The following MSH3 variants were observed in gnomAD, a reference collection of about 807,000 sequenced individuals.
MSH3 encodes mutS homolog 3.
In MSH3, 106 loss-of-function variants were observed where a neutral mutation model predicts 123.3. The ratio of observed to expected loss-of-function variants is 0.86; its 90% CI spans 0.73 to 1.01. The LOEUF is 1.01. Among genes scored for constraint, MSH3 ranks in the 50% least tolerant of loss-of-function variants. MSH3 has a pLI of 0.00. For missense variants in MSH3, 1,459 were observed against 1,347.6 expected, an observed-to-expected ratio of 1.08 and a Z score of -1.29; for synonymous variants, 515 against 481.4, an observed-to-expected ratio of 1.07 and a Z score of -0.91.
intron 19 of MSH3, among the ~76,000 whole-genome samples, chr5:80,795,690 A>G (rs1446785607): frequency 6.6e-6 from 1 of 152,184 alleles, no homozygotes; most frequent in Non-Finnish European, 1.5e-5. Context: ...ATTCTTTTTT[A>G]GGAAATTTTT....
intron 20 of MSH3, among the ~76,000 whole-genome samples, chr5:80,814,951 G>A (rs1376283896): frequency 1.3e-5 from 2 of 152,146 alleles, no homozygotes; most frequent in Non-Finnish European, 2.9e-5. Flanking sequence ...TTAAAGCATC[G>A]TGTATATTTC....
intron 12 of MSH3, among the ~76,000 whole-genome samples, chr5:80,747,085 T>C (rs1580014616): frequency 6.6e-6 from 1 of 152,316 alleles, no homozygotes; most frequent in South Asian, 2.1e-4. Flanking sequence ...AAGCAGACCT[T>C]GTAGAGCAGA....
intron 19 of MSH3, among the ~76,000 whole-genome samples, chr5:80,795,489 C>T (rs1361379098): frequency 6.6e-6 from 1 of 152,102 alleles, no homozygotes. Flanking sequence ...GGTAAAGGGT[C>T]TCTTACTCAT....
At chr5:80,688,912 A>G (rs1054185679) in intron 8 of MSH3, among the ~76,000 whole-genome samples, 2 of 152,184 alleles carry the variant, frequency 1.3e-5, no homozygotes, top group African/African-American at 4.8e-5. Flanking sequence ...AATAAGCTCA[A>G]TTCTGTGGGT....
chr5:80,770,921 AAGTAC>A (rs1744203793), intron 15 of MSH3, among the ~76,000 whole-genome samples: 1 of 152,210 alleles, frequency 6.6e-6, no homozygotes. Flanking sequence ...GAGGTTTAAA[AAGTAC>A]AGCATGGAGA....
chr5:80,655,126 A>C lies in MSH3; in HGVS notation c.237+162A>C, dbSNP rs1749234387. 4 of 514,614 alleles carry C rather than the reference A, an allele frequency of 7.8e-6. 1 individual carries two copies. Among genetic ancestry groups the C allele is most frequent in the Non-Finnish European group, 6.7e-6 (2 of 297,100 alleles). The allele number at this position is 514,614 out of a possible 1,614,324, so 31.9% of individuals were successfully genotyped here. A position where few individuals can be genotyped will look rare whatever the true frequency, so the allele number is the denominator to read the frequency against. On this transcript the variant is annotated intron_variant, in intron 1 of 23. Coordinates refer to ENST00000265081, the MANE Select transcript of MSH3 (RefSeq NM_002439.5). ...GGGAAGAGCCCAGCCGGGGCTACAAATTGGGTGAAGCGCTGAGGTTTTAGT... is the reference window on the plus strand; with the variant it reads ...GGGAAGAGCCCAGCCGGGGCTACAACTTGGGTGAAGCGCTGAGGTTTTAGT...
intron 20 of MSH3, among the ~76,000 whole-genome samples, chr5:80,820,984 A>T (rs960081084): frequency 6.6e-6 from 1 of 152,204 alleles, no homozygotes; most frequent in African/African-American, 2.4e-5. Flanking sequence ...GTATCAGACC[A>T]TGCCGGCAAT....
At chr5:80,714,076 T>C (rs768496947) in intron 8 of MSH3, among the ~76,000 whole-genome samples, 2 of 151,824 alleles carry the variant, frequency 1.3e-5, no homozygotes, top group Admixed American at 6.6e-5. Context: ...TCCTAAAATC[T>C]ATGTGACAGA....
intron 22 of MSH3, among the ~76,000 whole-genome samples, chr5:80,872,132 A>G (rs1328304832): frequency 6.6e-6 from 1 of 152,188 alleles, no homozygotes; most frequent in African/African-American, 2.4e-5. Context: ...TAATCCTGTT[A>G]TTTAAACTGG....
chr5:80,722,040 A>T (rs1180867718), intron 8 of MSH3, among the ~76,000 whole-genome samples: 6 of 152,232 alleles, frequency 3.9e-5, no homozygotes, highest in African/African-American at 1.2e-4. Context: ...TGTGAAGAAA[A>T]AAAATATATA....
chr5:80,811,317 CT>C (rs1745003741), intron 19 of MSH3, among the ~76,000 whole-genome samples: 1 of 152,074 alleles, frequency 6.6e-6, no homozygotes, highest in Non-Finnish European at 1.5e-5. Flanking sequence ...TTATCAAATA[CT>C]TTCTCTGTGT....
At chr5:80,691,325 A>T (rs1003348359) in intron 8 of MSH3, among the ~76,000 whole-genome samples, 3 of 151,924 alleles carry the variant, frequency 2.0e-5, no homozygotes, top group Admixed American at 2.0e-4. Flanking sequence ...AAAAAATTTT[A>T]AAAGATACTA....
At chr5:80,729,961 T>C (rs1369139335) in intron 10 of MSH3, among the ~76,000 whole-genome samples, 1 of 152,042 alleles carries the variant, frequency 6.6e-6, no homozygotes, top group Admixed American at 6.6e-5. Context: ...AGAAATTAAC[T>C]AGGAAACAAG....
rs1749809763 is a variant in MSH3 at position 80,675,080 on chromosome 5, G to C, written c.1125G>C (p.Lys375Asn). Residue 375 changes from lysine to asparagine, a missense_variant, in exon 7 of 24, where the codon AAG becomes AAC. Lys to Asn is a moderately conservative substitution (Grantham distance 94). Transcript: ENST00000265081. ...ATCTTCTGTGCATCTCTGAAAATAA[G>C]GAAAATGTTAGGGACAAAAAAAAGG... The part of the protein sequence containing the change: ...TSYLLCISEN[K>N]ENVRDKKKGN... 2 of 1,613,514 alleles carry C rather than the reference G, an allele frequency of 1.2e-6. No homozygotes were observed. The highest frequency in any genetic ancestry group is 1.7e-5 in the Admixed American group (1 of 59,956).
intron 22 of MSH3, 69 bp downstream of exon 22, chr5:80,865,011 C>A: frequency 1.4e-6 from 2 of 1,403,944 alleles, no homozygotes. Flanking sequence ...TTTGTTGGAA[C>A]ATGAACTTAC....
Position 80,744,545 on chromosome 5 carries a change from G to T in MSH3, c.1693G>T (p.Asp565Tyr). 6.2e-7 allele frequency: 1 copy of T among 1,613,830 alleles called. No homozygotes were observed. The highest frequency in any genetic ancestry group is 8.5e-7 in the Non-Finnish European group (1 of 1,179,898). Residue 565 changes from aspartate (D) to tyrosine (Y), a missense_variant, in exon 12 of 24, where the codon GAC becomes TAC. Physicochemically the swap from Asp to Tyr is radical, Grantham distance 160. Transcript: ENST00000265081. ...KTKGSLLWVL[D>Y]HTKTSFGRRK... ...CAAAGGAAGTTTGCTGTGGGTTTTA[G>T]ACCACACTAAAACTTCATTTGGGAG...
intron 8 of MSH3, among the ~76,000 whole-genome samples, chr5:80,725,114 T>C (rs986096705): frequency 6.7e-6 from 1 of 149,294 alleles, no homozygotes. Flanking sequence ...CTCGGGAGGC[T>C]GAGGCAGGAG....
At chr5:80,834,510 GAAGT>G (rs1396327677) in intron 20 of MSH3, among the ~76,000 whole-genome samples, 3 of 149,372 alleles carry the variant, frequency 2.0e-5, no homozygotes, top group South Asian at 2.1e-4. Flanking sequence ...AAAAGCACTT[GAAGT>G]AAGTCAAAGA....
intron 2 of MSH3, among the ~76,000 whole-genome samples, chr5:80,657,151 C>A (rs1433570218): frequency 1.3e-5 from 2 of 152,070 alleles, no homozygotes; most frequent in Non-Finnish European, 2.9e-5. Context: ...ATAAAAACAG[C>A]ATGCCTAGGC....
Sources: allele counts gnomAD v4.1 joint callset (sites outside exome capture counted in the v4.1 genomes callset), GRCh38; gene constraint gnomAD v4.1.1; transcripts MANE v1.5; gene names NCBI Gene and HGNC (gene_info 2026-07-23, HGNC 2026-07-21).